LINGO2: variants seen among roughly 807,000 people sequenced by gnomAD.
The protein encoded by LINGO2 is leucine rich repeat and Ig domain containing 2.
Under a neutral mutation model 30.6 loss-of-function variants are expected in LINGO2, and 14 were observed. The ratio of observed to expected loss-of-function variants is 0.46; its 90% CI spans 0.30 to 0.72. LINGO2 has a LOEUF of 0.72. Ranked by LOEUF, LINGO2 falls within the 30% of genes least tolerant of loss-of-function variation. LINGO2 has a pLI of 0.07. For synonymous variants in LINGO2, 317 were observed against 288.5 expected (o/e 1.10, Z -1.00); for missense variants, 729 against 751.7 (o/e 0.97, Z 0.35).
intron 1 of LINGO2, among the ~76,000 whole-genome samples, chr9:28,645,518 G>A (rs1366226045): frequency 1.3e-5 from 2 of 152,064 alleles, no homozygotes; most frequent in African/African-American, 4.8e-5. Flanking sequence ...CGGGCCAAGA[G>A]CTTTTTATTG....
chr9:29,102,682 G>C, the LINGO2 span, among the ~76,000 whole-genome samples: 1 of 152,124 alleles, frequency 6.6e-6, no homozygotes, highest in African/African-American at 2.4e-5. Context: ...GAAGAGAATA[G>C]TGACTGCAAC....
chr9:29,142,388 A>C, the LINGO2 span, among the ~76,000 whole-genome samples: 3 of 152,028 alleles, frequency 2.0e-5, no homozygotes, highest in South Asian at 6.2e-4. Flanking sequence ...TATGGGATGC[A>C]GAAAAACCAG....
At chr9:28,827,170 A>G in the LINGO2 span, among the ~76,000 whole-genome samples, 1 of 152,228 alleles carries the variant, frequency 6.6e-6, no homozygotes, top group East Asian at 1.9e-4. Context: ...AATCAAGTCC[A>G]CAGAATCCTA....
intron 4 of LINGO2, among the ~76,000 whole-genome samples, chr9:28,072,805 G>C (rs10968328): frequency 0.14 from 20,859 of 151,984 alleles, 1,852 homozygotes; most frequent in Middle Eastern, 0.2. Flanking sequence ...CAATATATCT[G>C]GGGCTGGGCC....
chr9:28,619,220 T>C (rs1343632982), intron 1 of LINGO2, among the ~76,000 whole-genome samples: 1 of 152,158 alleles, frequency 6.6e-6, no homozygotes, highest in Non-Finnish European at 1.5e-5. Flanking sequence ...ATACTATTGC[T>C]GATGTATGTA....
At chr9:28,393,730 A>G (rs191904893) in intron 2 of LINGO2, among the ~76,000 whole-genome samples, 164 of 152,096 alleles carry the variant, frequency 1.1e-3, no homozygotes, top group Admixed American at 2.1e-3. Flanking sequence ...ACTTCCAGCA[A>G]CTCCATCTTT....
At chr9:28,431,000 T>C (rs1327185318) in intron 2 of LINGO2, among the ~76,000 whole-genome samples, 2 of 144,158 alleles carry the variant, frequency 1.4e-5, no homozygotes, top group Non-Finnish European at 3.0e-5. Flanking sequence ...TCTGAGAACA[T>C]GATAACTTGC....
At chr9:28,558,902 A>C (rs1472826605) in intron 1 of LINGO2, among the ~76,000 whole-genome samples, 1 of 152,006 alleles carries the variant, frequency 6.6e-6, no homozygotes, top group Non-Finnish European at 1.5e-5. Context: ...TATAAATAAA[A>C]ACCTATTTGA....
intron 3 of LINGO2, among the ~76,000 whole-genome samples, chr9:28,334,440 A>C (rs1825523072): frequency 6.6e-6 from 1 of 152,130 alleles, no homozygotes; most frequent in Non-Finnish European, 1.5e-5. Context: ...TAGTTCAATA[A>C]AATAGTATGG....
chr9:28,304,202 A>T (rs984916084), intron 3 of LINGO2, among the ~76,000 whole-genome samples: 5 of 151,424 alleles, frequency 3.3e-5, no homozygotes, highest in African/African-American at 9.6e-5. Context: ...TTACTGATAC[A>T]GAAATTTGTT....
the LINGO2 span, among the ~76,000 whole-genome samples, chr9:29,088,297 A>G: frequency 1.3e-5 from 2 of 152,136 alleles, no homozygotes; most frequent in Admixed American, 6.6e-5. Context: ...CTAGTGTCCA[A>G]AGCAAATACA....
At chr9:28,796,228 C>T in the LINGO2 span, among the ~76,000 whole-genome samples, 1 of 152,048 alleles carries the variant, frequency 6.6e-6, no homozygotes, top group Non-Finnish European at 1.5e-5. Context: ...ACAAAATATT[C>T]ATTAGGAACT....
intron 2 of LINGO2, among the ~76,000 whole-genome samples, 151 bp from the exon 5 acceptor site, chr9:28,373,019 A>AG (rs1229632162): frequency 1.2e-4 from 18 of 151,266 alleles, no homozygotes; most frequent in Admixed American, 1.2e-3. Context: ...CAGAGAGAAA[A>AG]AAAACTGATA....
chr9:28,283,047 G>A (rs1322658933), intron 4 of LINGO2, among the ~76,000 whole-genome samples: 1 of 152,126 alleles, frequency 6.6e-6, no homozygotes, highest in African/African-American at 2.4e-5. Flanking sequence ...TGGCTACAAA[G>A]CCCTTTGTAG....
At chr9:28,232,437 A>G (rs1821390838) in intron 4 of LINGO2, among the ~76,000 whole-genome samples, 1 of 151,698 alleles carries the variant, frequency 6.6e-6, no homozygotes, top group Admixed American at 6.6e-5. Context: ...AAAAAAAAAA[A>G]AAGCTGAAAA....
At chr9:28,695,480 C>T in the LINGO2 span, among the ~76,000 whole-genome samples, 1 of 151,786 alleles carries the variant, frequency 6.6e-6, no homozygotes, top group Non-Finnish European at 1.5e-5. Flanking sequence ...AATTTCACTT[C>T]AGAGAATGTA....
At chr9:28,666,188 G>A (rs910992714) in intron 1 of LINGO2, among the ~76,000 whole-genome samples, 7 of 151,800 alleles carry the variant, frequency 4.6e-5, no homozygotes, top group East Asian at 1.9e-4. Context: ...CACTGCGCCC[G>A]GCTTAGTGTT....
intron 5 of LINGO2, among the ~76,000 whole-genome samples, chr9:27,999,436 CAGAGAGAGAGAGAGAGAGAG>C (rs36216761): frequency 1.4e-5 from 2 of 143,684 alleles, no homozygotes; most frequent in African/African-American, 5.2e-5. Context: ...GCCTAATCTT[CAGAGAGAGAGAGAGAGAGAG>C]AGAGAGAGAG....
intron 2 of LINGO2, among the ~76,000 whole-genome samples, chr9:28,426,273 T>G (rs1341029911): frequency 1.3e-5 from 2 of 152,094 alleles, no homozygotes; most frequent in Non-Finnish European, 2.9e-5. Context: ...TAGGTTTGCC[T>G]ATAACATATT....
Sources: gnomAD v4.1 joint callset for allele counts (sites outside exome capture counted in the v4.1 genomes callset) on GRCh38, gnomAD v4.1.1 for gene constraint, MANE v1.5 for transcripts, NCBI Gene and HGNC (gene_info 2026-07-23, HGNC 2026-07-21) for gene names.